PCDHGB3: variants seen among roughly 807,000 people sequenced by gnomAD.
PCDHGB3 encodes protocadherin gamma subfamily B, 3.
PCDHGB3 carries 40 observed loss-of-function variants against 59.2 expected under a neutral mutation model. The observed-to-expected ratio is 0.68, with a 90% CI of 0.52 to 0.88. PCDHGB3 has a LOEUF of 0.88. Among genes scored for constraint, PCDHGB3 ranks in the 40% least tolerant of loss-of-function variants. The pLI, the probability that PCDHGB3 is intolerant of heterozygous loss-of-function variation, is 0.00. For missense variants in PCDHGB3, 1,309 were observed against 1,187.9 expected, an observed-to-expected ratio of 1.10 and a Z score of -1.50; for synonymous variants, 581 against 503.6, an observed-to-expected ratio of 1.15 and a Z score of -2.06.
chr5:141,393,745 A>T, intron 1 of PCDHGB3: 1 of 1,613,898 alleles, frequency 6.2e-7, no homozygotes. Context: ...GATTATGAAG[A>T]ATGTTCATTT....
At chr5:141,388,278 A>C (rs769879098) in intron 1 of PCDHGB3, 2 of 1,613,384 alleles carry the variant, frequency 1.2e-6, no homozygotes, top group African/African-American at 2.7e-5. Context: ...CCACACGCCA[A>C]AATTCACGCA....
chr5:141,403,688 A>T (rs1385402830), intron 1 of PCDHGB3: 1 of 1,613,836 alleles, frequency 6.2e-7, no homozygotes, highest in Non-Finnish European at 8.5e-7. Flanking sequence ...TGCTCAACGG[A>T]TTTACCGAGT....
chr5:141,449,147 G>T (rs2098630156), intron 1 of PCDHGB3, among the ~76,000 whole-genome samples: 1 of 152,110 alleles, frequency 6.6e-6, no homozygotes, highest in African/African-American at 2.4e-5. Flanking sequence ...AAATTGCTGG[G>T]TCAAAGAGGA....
rs776047060 is a variant in PCDHGB3, at chr5:141,393,622, A to T, written c.2415+20813A>T. The T allele has an allele frequency of 1.9e-6, 3 of 1,613,960 alleles. No individual in the cohort carries two copies. The Admixed American group carries it at 5.0e-5, about 27-fold the overall frequency. ...CTTACTGTAACAGCCAGCGACCCGG[A>T]TGAGGGAATCAACGGAAAAGTGGCA... On this transcript the variant is annotated intron_variant, in intron 1 of 3. Coordinates refer to ENST00000576222, the MANE Select transcript of PCDHGB3 (RefSeq NM_018924.5).
At chr5:141,502,118 G>A (rs897244225) in intron 2 of PCDHGB3, among the ~76,000 whole-genome samples, 3 of 152,108 alleles carry the variant, frequency 2.0e-5, no homozygotes, top group African/African-American at 7.2e-5. Context: ...CCTCAGCCAG[G>A]CCCACAGAGC....
chr5:141,377,799 T>C (rs1774359449), intron 1 of PCDHGB3: 1 of 152,206 alleles, frequency 6.6e-6, no homozygotes, highest in African/African-American at 2.4e-5. Flanking sequence ...TTCCTGTAAC[T>C]ATCTGTTATT....
intron 1 of PCDHGB3, among the ~76,000 whole-genome samples, chr5:141,454,353 A>G (rs2098787486): frequency 1.3e-5 from 2 of 152,238 alleles, no homozygotes; most frequent in Non-Finnish European, 2.9e-5. Context: ...AGTTGATCCA[A>G]ACTTAGAAAG....
rs763072566 is a variant in PCDHGB3 at position 141,419,417 on chromosome 5, T to G, written c.2415+46608T>G. The stretch of plus-strand genomic sequence containing the variant: ...CGGGGTGGTGTTCGCGCAGCGCGCC[T>G]TCGACCACGAGCAGCTGCGCACCTT... On this transcript the variant is annotated intron_variant, in intron 1 of 3. Transcript: ENST00000576222. 3.0e-5 allele frequency: 48 copies of G among 1,613,288 alleles called. No homozygotes were observed. Among genetic ancestry groups the G allele is most frequent in the Non-Finnish European group, 3.8e-5 (45 of 1,179,884 alleles).
At chr5:141,506,226 G>A (rs1248069119) in intron 3 of PCDHGB3, among the ~76,000 whole-genome samples, 3 of 152,152 alleles carry the variant, frequency 2.0e-5, no homozygotes, top group Non-Finnish European at 1.5e-5. Flanking sequence ...TGAGGCAGGA[G>A]GATCATGAGG....
At chr5:141,403,171 G>C (rs542727163) in intron 1 of PCDHGB3, 1 of 1,614,042 alleles carries the variant, frequency 6.2e-7, no homozygotes, top group Admixed American at 1.7e-5. Flanking sequence ...GTAGGACGCA[G>C]CTTTTCTCTC....
At chr5:141,394,948 T>C (rs753376472) in intron 1 of PCDHGB3, 1 of 1,613,884 alleles carries the variant, frequency 6.2e-7, no homozygotes, top group Admixed American at 1.7e-5. Context: ...GCTGTGCTTC[T>C]GGGGCTCAGG....
intron 1 of PCDHGB3, chr5:141,389,528 G>A (rs200792478): frequency 1.2e-6 from 2 of 1,613,210 alleles, no homozygotes; most frequent in East Asian, 2.2e-5. Context: ...GCCTGCGCGT[G>A]TTAGTGGACG....
At chr5:141,404,865 T>C (rs1308625182) in intron 1 of PCDHGB3, 12 of 1,613,552 alleles carry the variant, frequency 7.4e-6, no homozygotes, top group Non-Finnish European at 1.0e-5. Flanking sequence ...AGAGATGCGC[T>C]CAAACAGAGC....
At chr5:141,409,331 G>A (rs1447189643) in intron 1 of PCDHGB3, 1 of 1,613,818 alleles carries the variant, frequency 6.2e-7, no homozygotes, top group African/African-American at 1.3e-5. Context: ...TCTGGATTTC[G>A]GAGGAAATGG....
At chr5:141,409,896 C>A (rs1181128940) in intron 1 of PCDHGB3, 1 of 1,613,240 alleles carries the variant, frequency 6.2e-7, no homozygotes, top group African/African-American at 1.3e-5. Context: ...GTGCTGTACC[C>A]AGCTCTGGGT....
rs375260597 is a variant in PCDHGB3 at position 141,388,655 on chromosome 5, G to C, written c.2415+15846G>C. On this transcript the variant is annotated intron_variant, in intron 1 of 3. Coordinates refer to ENST00000576222, the MANE Select transcript of PCDHGB3 (RefSeq NM_018924.5). Reference sequence around the variant, plus strand: ...TGAGCCTTTCAGAAAACGTGTACCCGGGGACCACGGTGCTACAGGTGACTG... The same window carrying C: ...TGAGCCTTTCAGAAAACGTGTACCCCGGGACCACGGTGCTACAGGTGACTG... The C allele has an allele frequency of 1.9e-6, 3 of 1,613,808 alleles. No individual in the cohort carries two copies. In the African/African-American group the frequency reaches 4.0e-5, roughly 22 times the overall value.
At chr5:141,415,123 G>T (rs1349224471) in intron 1 of PCDHGB3, 3 of 1,613,540 alleles carry the variant, frequency 1.9e-6, no homozygotes. Flanking sequence ...CGTAGTGGCC[G>T]TCCAGGACCA....
At chr5:141,374,287 C>G in intron 1 of PCDHGB3, 1 of 1,613,992 alleles carries the variant, frequency 6.2e-7, no homozygotes, top group Non-Finnish European at 8.5e-7. Flanking sequence ...GCATCGTCTC[C>G]AGAGGTAGGA....
At chr5:141,388,351 C>T (rs1245529264) in intron 1 of PCDHGB3, 1 of 1,613,898 alleles carries the variant, frequency 6.2e-7, no homozygotes, top group African/African-American at 1.3e-5. Context: ...ATATTAGGAT[C>T]TGCCCATGAT....
Sources: gnomAD v4.1 joint callset for allele counts (sites outside exome capture counted in the v4.1 genomes callset) on GRCh38, gnomAD v4.1.1 for gene constraint, MANE v1.5 for transcripts, NCBI Gene and HGNC (gene_info 2026-07-23, HGNC 2026-07-21) for gene names.